Variants in ZNF14 observed in about 807,000 individuals in gnomAD.
The protein encoded by ZNF14 is zinc finger protein 14, also known as gonadotropin inducible transcription repressor-4.
Under a neutral mutation model 11.3 loss-of-function variants are expected in ZNF14, and 9 were observed. That is an observed-to-expected ratio of 0.80 (90% CI 0.48 to 1.39). ZNF14 has a LOEUF of 1.39. Among genes scored for constraint, ZNF14 ranks in the 40% most tolerant of loss-of-function variants. ZNF14 has a pLI of 0.00. For missense variants in ZNF14, 711 were observed against 763.9 expected, an observed-to-expected ratio of 0.93 and a Z score of 0.82; for synonymous variants, 239 against 245.7, an observed-to-expected ratio of 0.97 and a Z score of 0.25.
chr19:19,720,980 CAG>C lies in ZNF14; in HGVS notation c.4-6495_4-6494del, dbSNP rs1479138262. On this transcript the variant is annotated intron_variant, in intron 1 of 3. Transcript: ENST00000344099. The surrounding 1 kb of genome is among the most constrained non-coding windows in gnomAD (Gnocchi z 4.1). ...TATTTATTTATTGATTTTTTTGAGA[CAG>C]AGTCTTGCTCTGTCACTCAGGTTGG... 1.3e-5 allele frequency among the ~76,000 whole-genome samples: 2 copies of C among 152,156 alleles called. No individual in the cohort carries two copies. The highest frequency in any genetic ancestry group is 1.5e-5 in the Non-Finnish European group (1 of 68,028).
rs2062390752 is a variant in ZNF14, at chr19:19,720,646, A to AGCTC, written c.4-6160_4-6159insGAGC. ...GCATGAGCCACCATGCCCTGCCAGG[A>AGCTC]AATTGGGCAGCTCAATTTTCTAAGA... On this transcript the variant is annotated intron_variant, in intron 1 of 3. Transcript: ENST00000344099. The surrounding 1 kb of genome is among the most constrained non-coding windows in gnomAD (Gnocchi z 4.1). Among the ~76,000 whole-genome samples the AGCTC allele has an allele frequency of 6.6e-6, 1 of 151,994 alleles. No individual in the cohort carries two copies. The highest frequency in any genetic ancestry group is 2.1e-4 in the South Asian group (1 of 4,818).
rs1272579762 is a variant in ZNF14, at chr19:19,713,043, A to G, written c.238T>C (p.Cys80Arg). ...GGCATCTGGCTAGTGGTTTCTCCAC[A>G]TTTGCTACCTCTTCTACTTTCACAG... is the stretch of plus-strand genomic sequence containing the variant. Reference protein sequence around the residue: ...RLCESRRGSKCGETTSQMPNV... With the variant: ...RLCESRRGSKRGETTSQMPNV... The change falls in exon 4 of 4, where the codon TGT (cysteine) becomes CGT (arginine). Residue 80 changes from cysteine to arginine, a missense_variant. Cys to Arg is a radical substitution (Grantham distance 180, BLOSUM62 -3). Transcript: ENST00000344099. 6.2e-7 allele frequency: 1 copy of G among 1,611,696 alleles called. No individual in the cohort carries two copies. Among genetic ancestry groups the G allele is most frequent in the Non-Finnish European group, 8.5e-7 (1 of 1,178,700 alleles).
intron 1 of ZNF14, among the ~76,000 whole-genome samples, chr19:19,728,940 A>G (rs1391121751): frequency 1.3e-5 from 2 of 152,192 alleles, no homozygotes; most frequent in Non-Finnish European, 2.9e-5. Flanking sequence ...AAAAATCCTC[A>G]TAGTAGAATT....
At chr19:19,730,825 T>A (rs1183282691) in intron 1 of ZNF14, among the ~76,000 whole-genome samples, 4 of 152,028 alleles carry the variant, frequency 2.6e-5, no homozygotes, top group African/African-American at 9.7e-5. Context: ...GGAAGGAGAA[T>A]CGCTTGAACC....
chr19:19,718,841 C>T (rs1300995107), intron 1 of ZNF14, among the ~76,000 whole-genome samples: 1 of 152,180 alleles, frequency 6.6e-6, no homozygotes, highest in Non-Finnish European at 1.5e-5. Flanking sequence ...TCCTGGCCCA[C>T]TGCAACCTCC....
rs983240416 is a variant in ZNF14, at chr19:19,714,708, T to TTTTTC, written c.4-226_4-222dup. ...TCTATTTTTTTCTTTTTCCTTTTTC[T>TTTTTC]TTTTCTTTTTTTTTTTTTTTTGAGA... On this transcript the variant is annotated intron_variant, in intron 1 of 3. Transcript: ENST00000344099. Among the ~76,000 whole-genome samples the TTTTTC allele has an allele frequency of 2.2e-4, 25 of 115,676 alleles. 1 individual carries two copies. In the South Asian group the frequency reaches 2.4e-3, roughly 11 times the overall value. The allele number at this position is 115,676 out of a possible 152,430, so 75.9% of individuals were successfully genotyped here. A position where few individuals can be genotyped will look rare whatever the true frequency, so the allele number is the denominator to read the frequency against.
At position 19,711,702 on chromosome 19, in the gene ZNF14, C is replaced by T; in HGVS notation, c.1579G>A (p.Gly527Arg). 1 of 1,614,028 alleles carries T rather than the reference C, an allele frequency of 6.2e-7. No individual in the cohort carries two copies. ...SLREHEKIHT[G>R]NKPFECKQCG... ...TGCTTACACTCAAAAGGCTTATTTCCAGTGTGAATTTTTTCATGTTCTCGA... is the reference window on the plus strand; with the variant it reads ...TGCTTACACTCAAAAGGCTTATTTCTAGTGTGAATTTTTTCATGTTCTCGA... Residue 527 changes from glycine (G) to arginine (R), a missense_variant, in exon 4 of 4, where the codon GGA becomes AGA. By Grantham distance (125) the Gly-to-Arg change is moderately radical (BLOSUM62 -2). Coordinates refer to ENST00000344099, the MANE Select transcript of ZNF14 (RefSeq NM_021030.3).
chr19:19,715,199 T>C (rs1003769482), intron 1 of ZNF14, among the ~76,000 whole-genome samples: 1 of 152,200 alleles, frequency 6.6e-6, no homozygotes, highest in African/African-American at 2.4e-5. Flanking sequence ...TCATTACGCA[T>C]GGAATCAATC....
chr19:19,717,091 T>C (rs983376452), intron 1 of ZNF14, among the ~76,000 whole-genome samples: 1 of 152,124 alleles, frequency 6.6e-6, no homozygotes, highest in Non-Finnish European at 1.5e-5. Context: ...CTCCACAGGT[T>C]AAGGACTCAG....
chr19:19,730,738 C>A (rs2062420943), intron 1 of ZNF14, among the ~76,000 whole-genome samples: 1 of 151,924 alleles, frequency 6.6e-6, no homozygotes, highest in Non-Finnish European at 1.5e-5. Context: ...CATGGAGAAA[C>A]CCTGTCTCTA....
chr19:19,711,210 T>A lies in ZNF14; in HGVS notation c.*142A>T. The A allele has an allele frequency of 3.4e-6, 3 of 886,534 alleles. No individual in the cohort carries two copies. Among genetic ancestry groups the A allele is most frequent in the South Asian group, 2.4e-5 (1 of 42,122 alleles). The allele number at this position is 886,534 out of a possible 1,614,324, so 54.9% of individuals were successfully genotyped here. ...CATACTGTTTCTCACCAGTGGGAAT[T>A]CTTTCGTGCTCAAAAGAAACTGGAA... On this transcript the variant is annotated 3_prime_UTR_variant, in exon 4 of 4. Coordinates refer to ENST00000344099, the MANE Select transcript of ZNF14 (RefSeq NM_021030.3).
Position 19,711,867 on chromosome 19 carries a change from C to G in ZNF14, c.1414G>C (p.Glu472Gln). The change falls in exon 4 of 4, where the codon GAG (glutamate) becomes CAG (glutamine). Residue 472 changes from glutamate to glutamine, a missense_variant. By Grantham distance (29) the Glu-to-Gln change is conservative. Transcript: ENST00000344099. The stretch of plus-strand genomic sequence containing the variant: ...CACTGTTTACATTCATAGGGTTTCT[C>G]TCCAGTGTGTGACCTTTCATGAATT... ...FRIHERSHTG[E>Q]KPYECKQCGK... 6.2e-7 allele frequency: 1 copy of G among 1,614,036 alleles called. No homozygotes were observed. The highest frequency in any genetic ancestry group is 1.1e-5 in the South Asian group (1 of 91,074).
rs1272328925 is a variant in ZNF14 at position 19,720,767 on chromosome 19, C to T, written c.4-6280G>A. On this transcript the variant is annotated intron_variant, in intron 1 of 3. Transcript: ENST00000344099. The surrounding 1 kb of genome is among the most constrained non-coding windows in gnomAD (Gnocchi z 4.1). ...CAAGTGACATCAGATCAATGAGATA[C>T]ACAATGGAATTTCCACCTACCCTAT... is the stretch of plus-strand genomic sequence containing the variant. Among the ~76,000 whole-genome samples, 1 of 152,168 alleles carries T rather than the reference C, an allele frequency of 6.6e-6. No individual in the cohort carries two copies. The highest frequency in any genetic ancestry group is 1.5e-5 in the Non-Finnish European group (1 of 68,038).
At chr19:19,719,210 TA>T in intron 1 of ZNF14, among the ~76,000 whole-genome samples, 1 of 152,150 alleles carries the variant, frequency 6.6e-6, no homozygotes, top group South Asian at 2.1e-4. Flanking sequence ...CTTTATGAGA[TA>T]AGAAAAGATA....
chr19:19,723,109 A>G (rs2062397474), intron 1 of ZNF14, among the ~76,000 whole-genome samples: 1 of 152,158 alleles, frequency 6.6e-6, no homozygotes, highest in African/African-American at 2.4e-5. Flanking sequence ...AACTTCCAAC[A>G]CTATATTGAA....
At chr19:19,732,032 C>A (rs969686330) in intron 1 of ZNF14, among the ~76,000 whole-genome samples, 1 of 152,188 alleles carries the variant, frequency 6.6e-6, no homozygotes, top group African/African-American at 2.4e-5. Flanking sequence ...CGCCACTGCA[C>A]TCCATCCCGG....
Position 19,720,083 on chromosome 19 carries a change from C to G in ZNF14, c.4-5596G>C, listed in dbSNP as rs2062388602. On this transcript the variant is annotated intron_variant, in intron 1 of 3. Transcript: ENST00000344099. This position sits in a 1 kb window ranked among gnomAD's most constrained non-coding sequence, Gnocchi z 4.1. ...AAAACAGAGTGGCAAAATAATGAGG[C>G]AAAACTGATGGAACGGCAGGGAGAA... is the stretch of plus-strand genomic sequence containing the variant. Among the ~76,000 whole-genome samples the G allele has an allele frequency of 1.3e-5, 2 of 151,990 alleles. No homozygotes were observed. Among genetic ancestry groups the G allele is most frequent in the African/African-American group, 4.8e-5 (2 of 41,368 alleles).
rs781656094 is a variant in ZNF14, at chr19:19,712,933, C to T, written c.348G>A (p.Ser116=). 31 of 1,614,048 alleles carry T rather than the reference C, an allele frequency of 1.9e-5. No individual in the cohort carries two copies. Among genetic ancestry groups the T allele is most frequent in the South Asian group, 4.4e-5 (4 of 91,066 alleles). ...SFCGRDFIHH[S]SLNRHMRSHT... ...GAGATCTCATGTGCCTATTAAGGGA[C>T]GAATGATGAATGAAGTCTCTTCCAC... The change falls in exon 4 of 4, where the codon TCG becomes TCA. Residue 116 remains serine, a synonymous_variant. Transcript: ENST00000344099.
chr19:19,722,414 T>C (rs8112744), intron 1 of ZNF14, among the ~76,000 whole-genome samples: 1,535 of 152,336 alleles, frequency 0.01, 25 homozygotes, highest in African/African-American at 0.035. Context: ...AGTGCTCCGT[T>C]CTGTTCCACT....
Sources: allele counts gnomAD v4.1 joint callset (sites outside exome capture counted in the v4.1 genomes callset), GRCh38; gene constraint gnomAD v4.1.1; non-coding constraint Gnocchi (gnomAD v3.1); transcripts MANE v1.5; gene names NCBI Gene and HGNC (gene_info 2026-07-23, HGNC 2026-07-21).